Variants in PCSK2 observed in about 807,000 individuals in gnomAD.
PCSK2 encodes the protein proprotein convertase subtilisin/kexin type 2.
A neutral mutation model predicts 69.7 loss-of-function variants in PCSK2; 14 were observed. The observed-to-expected ratio is 0.20, with a 90% CI of 0.13 to 0.31. The LOEUF is 0.31. PCSK2 is among the 10% of genes least tolerant of loss of function. The probability of loss-of-function intolerance (pLI) is 1.00; values close to 1 mark genes in which losing one functional copy is unlikely to be tolerated. For synonymous variants in PCSK2, 307 were observed against 320.7 expected, an observed-to-expected ratio of 0.96 and a Z score of 0.46; for missense variants, 544 against 842.5, an observed-to-expected ratio of 0.65 and a Z score of 4.39.
At chr20:17,431,119 G>A (rs900774538) in intron 7 of PCSK2, among the ~76,000 whole-genome samples, 9 of 152,140 alleles carry the variant, frequency 5.9e-5, no homozygotes, top group African/African-American at 1.7e-4. Context: ...GTGGTCCCCG[G>A]AAGCCAGAGT....
intron 5 of PCSK2, among the ~76,000 whole-genome samples, chr20:17,382,860 A>G (rs1472069699): frequency 2.6e-5 from 4 of 152,128 alleles, no homozygotes; most frequent in African/African-American, 9.7e-5. Flanking sequence ...ACCAGACTCT[A>G]CAATCCAGGA....
chr20:17,245,983 T>C (rs1317197420), intron 1 of PCSK2, among the ~76,000 whole-genome samples: 4 of 152,164 alleles, frequency 2.6e-5, no homozygotes, highest in Non-Finnish European at 5.9e-5. Flanking sequence ...ATAACCTTAG[T>C]CATCCACACT....
chr20:17,476,645 T>C (rs747799378), intron 11 of PCSK2, among the ~76,000 whole-genome samples: 9 of 152,212 alleles, frequency 5.9e-5, no homozygotes, highest in Non-Finnish European at 1.2e-4. Flanking sequence ...CCAGCAACTG[T>C]TCAGGGCAGG....
intron 6 of PCSK2, among the ~76,000 whole-genome samples, chr20:17,420,557 G>T (rs994619947): frequency 5.3e-5 from 8 of 152,166 alleles, no homozygotes; most frequent in African/African-American, 1.9e-4. Context: ...TCAGCTAAAA[G>T]GAGTAGATGT....
intron 5 of PCSK2, among the ~76,000 whole-genome samples, chr20:17,379,588 G>A (rs1383193356): frequency 6.6e-6 from 1 of 152,190 alleles, no homozygotes; most frequent in Non-Finnish European, 1.5e-5. Flanking sequence ...TTTCCTTGAA[G>A]ACAAAGACTT....
Position 17,408,805 on chromosome 20 carries a change from T to G in PCSK2, c.544-458T>G, listed in dbSNP as rs146819212. 4.5e-3 allele frequency among the ~76,000 whole-genome samples: 691 copies of G among 152,330 alleles called. 2 individuals carry two copies. Among genetic ancestry groups the G allele is most frequent in the Non-Finnish European group, 8.4e-3 (571 of 68,028 alleles). ...GGGAAAGGAAACCAGCCTATGCTAG[T>G]CTGAAGGAAGAAGCTGGTTGTGAGC... On this transcript the variant is annotated intron_variant, in intron 5 of 11. Coordinates refer to ENST00000262545, the MANE Select transcript of PCSK2 (RefSeq NM_002594.5).
At chr20:17,364,692 C>A (rs1280491682) in intron 4 of PCSK2, among the ~76,000 whole-genome samples, 1 of 152,184 alleles carries the variant, frequency 6.6e-6, no homozygotes, top group Non-Finnish European at 1.5e-5. Context: ...CCATATCCAA[C>A]CCCAACACTT....
intron 1 of PCSK2, among the ~76,000 whole-genome samples, chr20:17,247,358 A>T (rs754383073): frequency 2.0e-5 from 3 of 152,256 alleles, no homozygotes; most frequent in Admixed American, 1.3e-4. Context: ...GAAATGGACA[A>T]GCAATTATCA....
intron 2 of PCSK2, among the ~76,000 whole-genome samples, chr20:17,347,329 C>A (rs142837513): frequency 6.6e-6 from 1 of 152,172 alleles, no homozygotes; most frequent in African/African-American, 2.4e-5. Context: ...GTCTTCCCTC[C>A]GCAGACCTCT....
In PCSK2 at chr20:17,327,622, T is replaced by TC. The variant is rs553320722; in HGVS notation, c.283-30702dup. Among the ~76,000 whole-genome samples, 44 of 152,202 alleles carry TC rather than the reference T, an allele frequency of 2.9e-4. No homozygotes were observed. In the South Asian group the frequency reaches 8.7e-3, roughly 30 times the overall value. On this transcript the variant is annotated intron_variant, in intron 2 of 11. Coordinates refer to ENST00000262545, the MANE Select transcript of PCSK2 (RefSeq NM_002594.5). ...GCTGCCATGGCAACGCGGCGCTCCCTCCCATAGACAGTGCACCCTCCACGA... is the reference window on the plus strand; with the variant it reads ...GCTGCCATGGCAACGCGGCGCTCCCTCCCCATAGACAGTGCACCCTCCACGA...
chr20:17,478,886 G>A (rs561791879), intron 11 of PCSK2, among the ~76,000 whole-genome samples: 7 of 152,210 alleles, frequency 4.6e-5, no homozygotes, highest in South Asian at 2.1e-4. Flanking sequence ...TAAATTTTTC[G>A]TATTTAAATG....
chr20:17,302,084 A>T (rs569129736), intron 2 of PCSK2, among the ~76,000 whole-genome samples: 1 of 152,276 alleles, frequency 6.6e-6, no homozygotes, highest in East Asian at 1.9e-4. Context: ...TTTGTCTAAC[A>T]TCTCTCCATA....
At chr20:17,472,717 C>A (rs375447408) in intron 11 of PCSK2, among the ~76,000 whole-genome samples, 9 of 152,156 alleles carry the variant, frequency 5.9e-5, no homozygotes, top group African/African-American at 2.2e-4. Context: ...CAGGCATCCA[C>A]CACCAAACCC....
intron 1 of PCSK2, among the ~76,000 whole-genome samples, chr20:17,230,280 CA>C (rs34406447): frequency 0.32 from 49,312 of 152,062 alleles, 8,662 homozygotes; most frequent in Middle Eastern, 0.45. Flanking sequence ...GTTATTTATT[CA>C]TCCATATGAA....
At chr20:17,317,763 G>C (rs539379007) in intron 2 of PCSK2, among the ~76,000 whole-genome samples, 3 of 152,034 alleles carry the variant, frequency 2.0e-5, no homozygotes, top group Admixed American at 2.0e-4. Context: ...CAAAATAAAA[G>C]AGACATGGGA....
At chr20:17,257,518 T>A (rs1453756644) in intron 1 of PCSK2, among the ~76,000 whole-genome samples, 1 of 152,242 alleles carries the variant, frequency 6.6e-6, no homozygotes, top group Non-Finnish European at 1.5e-5. Flanking sequence ...TCTGGACTAA[T>A]TCTATAAAGT....
At chr20:17,360,681 T>C (rs1356103641) in intron 4 of PCSK2, 41 bp downstream of exon 4, 1 of 1,122,062 alleles carries the variant, frequency 8.9e-7, no homozygotes, top group South Asian at 1.3e-5. Context: ...GAAATAAGCG[T>C]GCCTTTGCTT....
At chr20:17,395,202 A>G (rs1460240588) in intron 5 of PCSK2, among the ~76,000 whole-genome samples, 2 of 152,204 alleles carry the variant, frequency 1.3e-5, no homozygotes, top group East Asian at 1.9e-4. Context: ...GCAAAGATTA[A>G]CTGTTACAAG....
intron 2 of PCSK2, among the ~76,000 whole-genome samples, chr20:17,305,666 A>G (rs1333930053): frequency 6.6e-6 from 1 of 152,242 alleles, no homozygotes; most frequent in African/African-American, 2.4e-5. Flanking sequence ...ATAGCCTAAT[A>G]AGTATGCTTT....
Sources: gnomAD v4.1 joint callset for allele counts (sites outside exome capture counted in the v4.1 genomes callset) on GRCh38, gnomAD v4.1.1 for gene constraint, MANE v1.5 for transcripts, NCBI Gene and HGNC (gene_info 2026-07-23, HGNC 2026-07-21) for gene names.